The following TYR variants were observed in gnomAD, a reference collection of about 807,000 sequenced individuals.
TYR encodes LB24-AB.
In TYR, 58 loss-of-function variants were observed where a neutral mutation model predicts 51.5. The observed-to-expected ratio is 1.13, with a 90% CI of 0.91 to 1.40. The LOEUF (loss-of-function observed/expected upper bound fraction) is 1.40, where lower values mean the gene tolerates loss of function less well. TYR is among the 40% of genes most tolerant of loss of function. TYR has a pLI of 0.00. For synonymous variants in TYR, 263 were observed against 235.2 expected, an observed-to-expected ratio of 1.12 and a Z score of -1.08; for missense variants, 732 against 647.4, an observed-to-expected ratio of 1.13 and a Z score of -1.42.
At chr11:89,242,462 G>A (rs1299084348) in intron 3 of TYR, among the ~76,000 whole-genome samples, 2 of 151,916 alleles carry the variant, frequency 1.3e-5, no homozygotes, top group South Asian at 2.1e-4. Context: ...CACCCATCTC[G>A]GCCTTCCAAA....
At chr11:89,220,693 G>A (rs1269086342) in intron 2 of TYR, among the ~76,000 whole-genome samples, 1 of 152,136 alleles carries the variant, frequency 6.6e-6, no homozygotes, top group African/African-American at 2.4e-5. Context: ...GGCGGAGGTT[G>A]CAGTGAGCGG....
intron 2 of TYR, among the ~76,000 whole-genome samples, chr11:89,217,583 TG>T (rs1943848907): frequency 6.6e-6 from 1 of 152,204 alleles, no homozygotes; most frequent in Non-Finnish European, 1.5e-5. Flanking sequence ...TGAGGTTCAT[TG>T]TGCATCCAGG....
chr11:89,179,560 A>T (rs909019949), intron 1 of TYR, among the ~76,000 whole-genome samples: 1 of 152,172 alleles, frequency 6.6e-6, no homozygotes, highest in Non-Finnish European at 1.5e-5. Flanking sequence ...AGCAAAAAAA[A>T]AATCACATTT....
intron 1 of TYR, among the ~76,000 whole-genome samples, chr11:89,182,174 A>C (rs948093505): frequency 6.6e-6 from 1 of 152,198 alleles, no homozygotes; most frequent in African/African-American, 2.4e-5. Context: ...AGTCGCTCCA[A>C]GGTGGTGATC....
intron 2 of TYR, among the ~76,000 whole-genome samples, chr11:89,209,947 A>C (rs939925181): frequency 6.6e-6 from 1 of 152,220 alleles, no homozygotes; most frequent in Non-Finnish European, 1.5e-5. Context: ...CATCCAAAGC[A>C]AAACCCCATT....
intron 2 of TYR, among the ~76,000 whole-genome samples, chr11:89,220,595 A>T (rs1014952754): frequency 6.6e-6 from 1 of 152,128 alleles, no homozygotes; most frequent in African/African-American, 2.4e-5. Flanking sequence ...TTCTTTACAG[A>T]GTTACTACGA....
chr11:89,262,952 A>G (rs185640527), intron 3 of TYR, among the ~76,000 whole-genome samples: 26 of 151,746 alleles, frequency 1.7e-4, no homozygotes, highest in Admixed American at 1.6e-3. Context: ...AAGAACATCA[A>G]TTAAAGTCTT....
intron 4 of TYR, among the ~76,000 whole-genome samples, chr11:89,285,931 C>T (rs1219268650): frequency 2.0e-5 from 3 of 151,728 alleles, no homozygotes; most frequent in Non-Finnish European, 4.4e-5. Context: ...GATAATGACA[C>T]ATAAATACAT....
intron 2 of TYR, among the ~76,000 whole-genome samples, chr11:89,204,517 C>T (rs1405172133): frequency 6.6e-6 from 1 of 151,854 alleles, no homozygotes; most frequent in African/African-American, 2.4e-5. Context: ...GCCTCAGTTT[C>T]CCGAGTAGCT....
At chr11:89,256,246 G>C (rs555623677) in intron 3 of TYR, among the ~76,000 whole-genome samples, 26 of 151,842 alleles carry the variant, frequency 1.7e-4, no homozygotes, top group Admixed American at 1.7e-3. Context: ...ATGTGTGAAC[G>C]TAAGTTATTG....
chr11:89,211,101 C>T (rs1161690867), intron 2 of TYR, among the ~76,000 whole-genome samples: 1 of 152,048 alleles, frequency 6.6e-6, no homozygotes, highest in Non-Finnish European at 1.5e-5. Context: ...GGATCAAATT[C>T]ACATATAACA....
intron 2 of TYR, among the ~76,000 whole-genome samples, chr11:89,209,648 C>T (rs1222130005): frequency 5.9e-5 from 9 of 152,156 alleles, no homozygotes; most frequent in East Asian, 1.9e-4. Context: ...AATGGACAGA[C>T]GGCCTCCTCA....
At chr11:89,249,592 C>T (rs1332703018) in intron 3 of TYR, among the ~76,000 whole-genome samples, 1 of 151,230 alleles carries the variant, frequency 6.6e-6, no homozygotes, top group African/African-American at 2.4e-5. Flanking sequence ...CCCTTGGCAA[C>T]AGAAAAGTTT....
At chr11:89,198,710 A>G (rs1282961251) in intron 2 of TYR, among the ~76,000 whole-genome samples, 1 of 151,918 alleles carries the variant, frequency 6.6e-6, no homozygotes, top group African/African-American at 2.4e-5. Flanking sequence ...TCCTTACATT[A>G]TAAGCTCATT....
intron 3 of TYR, among the ~76,000 whole-genome samples, chr11:89,242,281 C>T (rs916068725): frequency 1.3e-5 from 2 of 152,066 alleles, no homozygotes; most frequent in Non-Finnish European, 2.9e-5. Context: ...AATCTCAGCT[C>T]ACTGCAAACT....
chr11:89,285,074 C>T (rs1313643986), intron 4 of TYR, 120 bp downstream of exon 4: 8 of 796,402 alleles, frequency 1.0e-5, no homozygotes, highest in Non-Finnish European at 1.5e-5. Flanking sequence ...CCTGAAAGTG[C>T]ATTATAATCC....
chr11:89,249,170 G>A (rs1244679018), intron 3 of TYR, among the ~76,000 whole-genome samples: 4 of 152,082 alleles, frequency 2.6e-5, no homozygotes, highest in African/African-American at 9.7e-5. Context: ...TCAAAAGAGA[G>A]AACCAGGTTA....
chr11:89,234,133 C>T (rs1050001454), intron 3 of TYR, among the ~76,000 whole-genome samples: 1 of 143,798 alleles, frequency 7.0e-6, no homozygotes, highest in Non-Finnish European at 1.5e-5. Flanking sequence ...CTGCAGCTTT[C>T]CATTGCACTT....
At chr11:89,260,868 A>G (rs1371290082) in intron 3 of TYR, among the ~76,000 whole-genome samples, 1 of 152,126 alleles carries the variant, frequency 6.6e-6, no homozygotes, top group Non-Finnish European at 1.5e-5. Context: ...CCTGTTAAGA[A>G]CCAGGCCACA....
Sources: allele counts gnomAD v4.1 joint callset (sites outside exome capture counted in the v4.1 genomes callset), GRCh38; gene constraint gnomAD v4.1.1; transcripts MANE v1.5; gene names NCBI Gene and HGNC (gene_info 2026-07-23, HGNC 2026-07-21).